The following MACROD2 variants were observed in gnomAD, a reference collection of about 807,000 sequenced individuals.
The protein encoded by MACROD2 is ADP-ribose glycohydrolase MACROD2.
Under a neutral mutation model 70.4 loss-of-function variants are expected in MACROD2, and 36 were observed. The ratio of observed to expected loss-of-function variants is 0.51; its 90% CI spans 0.39 to 0.68. The LOEUF (loss-of-function observed/expected upper bound fraction) is 0.68, where lower values mean the gene tolerates loss of function less well. Ranked by LOEUF, MACROD2 falls within the 30% of genes least tolerant of loss-of-function variation. The pLI is 0.00. For synonymous variants in MACROD2, 172 were observed against 178.8 expected (o/e 0.96, Z 0.30); for missense variants, 496 against 538.4 (o/e 0.92, Z 0.78).
intron 5 of MACROD2, among the ~76,000 whole-genome samples, chr20:15,187,549 C>T (rs2076542253): frequency 6.6e-6 from 1 of 152,126 alleles, no homozygotes; most frequent in African/African-American, 2.4e-5. Context: ...ACTGGAACAT[C>T]TCTCAATGAT....
chr20:14,161,439 G>C (rs532166823), intron 3 of MACROD2, among the ~76,000 whole-genome samples: 1 of 151,378 alleles, frequency 6.6e-6, no homozygotes, highest in African/African-American at 2.4e-5. Flanking sequence ...CGCCCACCCC[G>C]TGTCCCAAAG....
intron 8 of MACROD2, among the ~76,000 whole-genome samples, chr20:15,560,812 T>A (rs1449519351): frequency 6.9e-6 from 1 of 145,620 alleles, no homozygotes; most frequent in African/African-American, 2.6e-5. Flanking sequence ...AGTCTTTCTG[T>A]ATAGGTCAAT....
intron 2 of MACROD2, among the ~76,000 whole-genome samples, chr20:14,063,883 C>T (rs1185592237): frequency 6.6e-6 from 1 of 152,102 alleles, no homozygotes; most frequent in African/African-American, 2.4e-5. Flanking sequence ...TGTACCACCA[C>T]ACCCGGCTAA....
chr20:14,796,302 G>A (rs1195751051), intron 5 of MACROD2, among the ~76,000 whole-genome samples: 2 of 151,978 alleles, frequency 1.3e-5, no homozygotes, highest in Non-Finnish European at 2.9e-5. Context: ...TCACTGTAGG[G>A]CATTCGCTGA....
intron 5 of MACROD2, among the ~76,000 whole-genome samples, chr20:14,714,885 G>A (rs1039327237): frequency 1.9e-4 from 29 of 152,096 alleles, no homozygotes; most frequent in Non-Finnish European, 4.4e-5. Context: ...TTTCTTTTCC[G>A]CAGTGTCCAC....
intron 10 of MACROD2, among the ~76,000 whole-genome samples, chr20:15,912,335 C>T (rs774935079): frequency 5.9e-5 from 9 of 152,316 alleles, no homozygotes; most frequent in Admixed American, 4.6e-4. Flanking sequence ...CGTTGGGTCT[C>T]ATCATCTGCT....
At chr20:14,742,104 A>G (rs946413768) in intron 5 of MACROD2, among the ~76,000 whole-genome samples, 1 of 152,178 alleles carries the variant, frequency 6.6e-6, no homozygotes, top group East Asian at 1.9e-4. Context: ...GTGCTCAATC[A>G]TTTGAATAAA....
intron 5 of MACROD2, among the ~76,000 whole-genome samples, chr20:15,034,812 T>G (rs886683675): frequency 6.6e-6 from 1 of 152,210 alleles, no homozygotes; most frequent in Non-Finnish European, 1.5e-5. Context: ...TTTTATAATA[T>G]ATTTAGTAGT....
intron 4 of MACROD2, among the ~76,000 whole-genome samples, chr20:14,595,617 T>C (rs1177046895): frequency 6.6e-6 from 1 of 152,234 alleles, no homozygotes; most frequent in Non-Finnish European, 1.5e-5. Flanking sequence ...AGTAACATCT[T>C]TGTCAAGACA....
At chr20:15,294,038 T>C (rs1453373184) in intron 6 of MACROD2, among the ~76,000 whole-genome samples, 1 of 151,156 alleles carries the variant, frequency 6.6e-6, no homozygotes, top group Non-Finnish European at 1.5e-5. Flanking sequence ...GGAGAATTGC[T>C]TGAACACAGG....
intron 9 of MACROD2, among the ~76,000 whole-genome samples, chr20:15,867,293 G>T (rs1476383498): frequency 6.6e-6 from 1 of 152,064 alleles, no homozygotes; most frequent in Non-Finnish European, 1.5e-5. Context: ...AATTCACAGG[G>T]CACAATTAAG....
intron 10 of MACROD2, among the ~76,000 whole-genome samples, chr20:15,895,831 A>G (rs2147230677): frequency 6.6e-6 from 1 of 152,314 alleles, no homozygotes; most frequent in Middle Eastern, 3.4e-3. Context: ...TCTAGTTGAG[A>G]ACTTTGAACC....
intron 5 of MACROD2, among the ~76,000 whole-genome samples, chr20:15,003,085 G>A (rs1342976709): frequency 6.6e-6 from 1 of 152,068 alleles, no homozygotes; most frequent in Non-Finnish European, 1.5e-5. Flanking sequence ...AAACCTCTCT[G>A]TCCAGAACCC....
intron 3 of MACROD2, among the ~76,000 whole-genome samples, chr20:14,087,163 A>T (rs1157301695): frequency 6.6e-6 from 1 of 152,094 alleles, no homozygotes; most frequent in East Asian, 1.9e-4. Flanking sequence ...GGGAGGTCGA[A>T]TTGGGTAGAT....
rs545935646 is a variant in MACROD2 at position 15,720,566 on chromosome 20, A to G, written c.646-142179A>G. The stretch of plus-strand genomic sequence containing the variant: ...GCTGATTAAAAATCAATGCCTCGTT[A>G]GAGATGCAATTTGTGTTTTGATTAG... On this transcript the variant is annotated intron_variant, in intron 8 of 17. Coordinates refer to ENST00000684519, the MANE Select transcript of MACROD2 (RefSeq NM_001351661.2). Among the ~76,000 whole-genome samples the G allele has an allele frequency of 3.9e-5, 6 of 152,308 alleles. No individual in the cohort carries two copies. In the South Asian group the frequency reaches 1.2e-3, roughly 32 times the overall value.
intron 8 of MACROD2, among the ~76,000 whole-genome samples, chr20:15,561,942 T>G (rs73100255): frequency 0.081 from 12,291 of 152,092 alleles, 633 homozygotes; most frequent in East Asian, 0.26. Context: ...CAGAGAACTC[T>G]TTGCTGCTTT....
chr20:16,024,672 G>A lies in MACROD2; in HGVS notation c.1154-16529G>A, dbSNP rs1714982931. Among the ~76,000 whole-genome samples the A allele has an allele frequency of 3.3e-5, 5 of 152,280 alleles. No homozygotes were observed. The South Asian group carries it at 1.0e-3, about 32-fold the overall frequency. ...ATATTCTATTGAAGTCAGCCAAATA[G>A]CAACCAGATTAAATACGACAGAACC... On this transcript the variant is annotated intron_variant, in intron 15 of 17. Transcript: ENST00000684519.
At position 14,704,820 on chromosome 20, in the gene MACROD2, T is replaced by A. The variant is rs1040305452; in HGVS notation, c.418+19861T>A. Among the ~76,000 whole-genome samples the A allele has an allele frequency of 2.0e-3, 297 of 152,302 alleles. 3 individuals carry two copies. Among genetic ancestry groups the A allele is most frequent in the African/African-American group, 6.6e-3 (274 of 41,568 alleles). ...TATGATTATATGCGTGTTCTTTTTT[T>A]AAATTTTATTTCTCACAGCCTTGGA... On this transcript the variant is annotated intron_variant, in intron 5 of 17. Transcript: ENST00000684519.
At chr20:14,701,783 G>A (rs532282208) in intron 5 of MACROD2, among the ~76,000 whole-genome samples, 1 of 152,176 alleles carries the variant, frequency 6.6e-6, no homozygotes, top group East Asian at 1.9e-4. Context: ...ACAAAACATG[G>A]TGATCACTTC....
Sources: allele counts gnomAD v4.1 joint callset (sites outside exome capture counted in the v4.1 genomes callset), GRCh38; gene constraint gnomAD v4.1.1; transcripts MANE v1.5; gene names NCBI Gene and HGNC (gene_info 2026-07-23, HGNC 2026-07-21).